The following LMBRD1 variants were observed in gnomAD, a reference collection of about 807,000 sequenced individuals.
LMBRD1 encodes lysosomal cobalamin transport escort protein LMBD1.
A neutral mutation model predicts 74.8 loss-of-function variants in LMBRD1; 64 were observed. The ratio of observed to expected loss-of-function variants is 0.86; its 90% CI spans 0.70 to 1.05. The LOEUF (loss-of-function observed/expected upper bound fraction) is 1.05. Ranked by LOEUF, LMBRD1 falls within the 50% of genes least tolerant of loss-of-function variation. The pLI is 0.00. For synonymous variants in LMBRD1, 204 were observed against 216.3 expected (o/e 0.94, Z 0.50); for missense variants, 652 against 645.9 (o/e 1.01, Z -0.10).
intron 7 of LMBRD1, among the ~76,000 whole-genome samples, 192 bp from the exon 8 acceptor site, chr6:69,719,273 G>A (rs555354467): frequency 2.0e-4 from 30 of 152,150 alleles, no homozygotes; most frequent in African/African-American, 7.2e-4. Context: ...ATTAAACAGA[G>A]TCAAATTTAT....
intron 7 of LMBRD1, among the ~76,000 whole-genome samples, chr6:69,720,179 T>C (rs1766582663): frequency 6.6e-6 from 1 of 152,210 alleles, no homozygotes; most frequent in Non-Finnish European, 1.5e-5. Context: ...TCAGCTTTTT[T>C]TTTAATTAAG....
intron 9 of LMBRD1, among the ~76,000 whole-genome samples, chr6:69,711,574 C>T (rs1404019759): frequency 6.6e-6 from 1 of 151,996 alleles, no homozygotes; most frequent in Non-Finnish European, 1.5e-5. Flanking sequence ...ATCATACTTT[C>T]AGTGCTATGA....
intron 3 of LMBRD1, among the ~76,000 whole-genome samples, chr6:69,762,580 T>G (rs1765394724): frequency 1.3e-5 from 2 of 152,128 alleles, no homozygotes; most frequent in South Asian, 4.1e-4. Flanking sequence ...GTATTGTCTG[T>G]GTTTCTTATT....
intron 14 of LMBRD1, among the ~76,000 whole-genome samples, chr6:69,679,111 C>A (rs1312053439): frequency 6.6e-6 from 1 of 151,832 alleles, no homozygotes; most frequent in Non-Finnish European, 1.5e-5. Flanking sequence ...CAACTTCTTC[C>A]TTTTAGGAGC....
intron 2 of LMBRD1, among the ~76,000 whole-genome samples, chr6:69,788,324 A>T (rs1766002766): frequency 6.6e-6 from 1 of 152,140 alleles, no homozygotes. Context: ...ATACACACAT[A>T]TACATATATA....
chr6:69,790,925 T>C (rs533347581), intron 1 of LMBRD1, among the ~76,000 whole-genome samples: 112 of 152,330 alleles, frequency 7.4e-4, no homozygotes, highest in Non-Finnish European at 1.1e-3. Context: ...AAGAATAGCA[T>C]TGAGCTAAAG....
chr6:69,738,163 C>A, intron 6 of LMBRD1, 148 bp from the exon 7 acceptor site: 1 of 560,608 alleles, frequency 1.8e-6, no homozygotes, highest in Non-Finnish European at 3.2e-6. Context: ...GTGCTAACTC[C>A]AAGTGGAGAA....
chr6:69,730,434 CCTTTT>C (rs1766830995), intron 7 of LMBRD1, among the ~76,000 whole-genome samples: 2 of 152,042 alleles, frequency 1.3e-5, no homozygotes, highest in Admixed American at 1.3e-4. Context: ...TCAAGACTTT[CCTTTT>C]AAGTATTCAC....
chr6:69,705,198 T>C (rs1766225985), intron 9 of LMBRD1: 2 of 561,302 alleles, frequency 3.6e-6, no homozygotes, highest in Admixed American at 4.9e-5. Context: ...AAGTTCCCAC[T>C]CTGCATTATA....
intron 12 of LMBRD1, 105 bp from the exon 13 acceptor site, chr6:69,699,297 T>A: frequency 1.0e-6 from 1 of 1,002,318 alleles, no homozygotes; most frequent in Non-Finnish European, 1.5e-6. Context: ...CAATCAACCA[T>A]TATTTTTCTT....
intron 14 of LMBRD1, among the ~76,000 whole-genome samples, chr6:69,693,248 C>T (rs532646532): frequency 2.6e-5 from 4 of 151,954 alleles, no homozygotes; most frequent in South Asian, 2.1e-4. Context: ...AGGATTACTG[C>T]TAAATTATTC....
chr6:69,727,715 G>A (rs147515863), intron 7 of LMBRD1, among the ~76,000 whole-genome samples: 48 of 151,024 alleles, frequency 3.2e-4, no homozygotes, highest in Non-Finnish European at 4.4e-4. Flanking sequence ...AAAGCATCTC[G>A]TTTATATTTT....
chr6:69,676,724 G>A (rs1480255380), intron 14 of LMBRD1, among the ~76,000 whole-genome samples, 183 bp from the exon 15 acceptor site: 1 of 151,892 alleles, frequency 6.6e-6, no homozygotes, highest in East Asian at 1.9e-4. Flanking sequence ...CCTTAATGTA[G>A]TGTTAAAAAC....
intron 2 of LMBRD1, among the ~76,000 whole-genome samples, chr6:69,783,200 C>A (rs577248062): frequency 6.6e-6 from 1 of 152,188 alleles, no homozygotes; most frequent in Admixed American, 6.5e-5. Flanking sequence ...GTAGCGCTTA[C>A]CACACAGAAT....
chr6:69,780,618 A>G (rs113886119), intron 2 of LMBRD1, 64 bp from the exon 3 acceptor site: 2 of 1,209,624 alleles, frequency 1.7e-6, no homozygotes, highest in African/African-American at 1.5e-5. Flanking sequence ...ATTAAAAGTC[A>G]AGTTTTAATA....
In LMBRD1 at chr6:69,674,547, A is replaced by C. The variant is rs943160671; in HGVS notation, c.*1611T>G. On this transcript the variant is annotated 3_prime_UTR_variant, in exon 16 of 16. Coordinates refer to ENST00000649934, the MANE Select transcript of LMBRD1 (RefSeq NM_018368.4). ...GAAGAAGGCTTAGTTTGCCCCCACA[A>C]AAGTGAATACTTCAATTTTCAAAAT... Among the ~76,000 whole-genome samples, 2 of 152,240 alleles carry C rather than the reference A, an allele frequency of 1.3e-5. No individual in the cohort carries two copies. Among genetic ancestry groups the C allele is most frequent in the Admixed American group, 6.5e-5 (1 of 15,284 alleles).
chr6:69,710,434 GACAA>G (rs1470414943), intron 9 of LMBRD1, among the ~76,000 whole-genome samples: 1 of 152,090 alleles, frequency 6.6e-6, no homozygotes, highest in Non-Finnish European at 1.5e-5. Flanking sequence ...CCTTAGGATA[GACAA>G]ACATTTCTGA....
At chr6:69,714,432 T>C (rs895098696) in intron 8 of LMBRD1, among the ~76,000 whole-genome samples, 2 of 152,174 alleles carry the variant, frequency 1.3e-5, no homozygotes, top group African/African-American at 2.4e-5. Flanking sequence ...CCATGAGCAG[T>C]ACCTTTCTCA....
chr6:69,781,095 G>T (rs1562124622), intron 2 of LMBRD1, among the ~76,000 whole-genome samples: 2 of 152,142 alleles, frequency 1.3e-5, no homozygotes, highest in Admixed American at 1.3e-4. Context: ...CAACAAACCT[G>T]ATTAGTACTT....
Sources: allele counts gnomAD v4.1 joint callset (sites outside exome capture counted in the v4.1 genomes callset), GRCh38; gene constraint gnomAD v4.1.1; transcripts MANE v1.5; gene names NCBI Gene and HGNC (gene_info 2026-07-23, HGNC 2026-07-21).